Variants in TTC34 observed in about 807,000 individuals in gnomAD.
TTC34 encodes tetratricopeptide repeat protein 34.
In TTC34, 44 loss-of-function variants were observed where a neutral mutation model predicts 40.7. The ratio of observed to expected loss-of-function variants is 1.08; its 90% confidence interval spans 0.85 to 1.39. The LOEUF (loss-of-function observed/expected upper bound fraction) is 1.39, where lower values mean the gene tolerates loss of function less well. TTC34 is among the 40% of genes most tolerant of loss of function. TTC34 has a pLI of 0.00. For missense variants in TTC34, 884 were observed against 838.0 expected, an observed-to-expected ratio of 1.05 and a Z score of -0.68; for synonymous variants, 422 against 398.6, an observed-to-expected ratio of 1.06 and a Z score of -0.70.
chr1:2,644,127 C>A, intron 8 of TTC34, 137 bp downstream of exon 8: 1 of 930,058 alleles, frequency 1.1e-6, no homozygotes, highest in African/African-American at 1.7e-5. Context: ...GGGTGCCTCC[C>A]ACCCCACCCC....
At chr1:2,783,135 G>T (rs187027311) in intron 6 of TTC34, among the ~76,000 whole-genome samples, 194 of 152,354 alleles carry the variant, frequency 1.3e-3, no homozygotes, top group African/African-American at 4.2e-3. Flanking sequence ...ATGAAGCTCA[G>T]ATCAGGGTCC....
intron 2 of TTC34, among the ~76,000 whole-genome samples, chr1:2,797,097 G>A (rs1357208926): frequency 6.6e-6 from 1 of 152,186 alleles, no homozygotes; most frequent in East Asian, 1.9e-4. Flanking sequence ...ACAGTATGGA[G>A]GGCGGTTAGG....
rs1442097174 is a variant in TTC34 at position 2,694,614 on chromosome 1, C to A, written c.2227-49051G>T. 9.5e-5 allele frequency among the ~76,000 whole-genome samples: 4 copies of A among 41,986 alleles called. 1 individual carries two copies. Among genetic ancestry groups the A allele is most frequent in the Admixed American group, 2.5e-4 (1 of 4,028 alleles). The allele number at this position is 41,986 out of a possible 152,430, so 27.5% of individuals were successfully genotyped here. On this transcript the variant is annotated intron_variant, in intron 6 of 8. Coordinates refer to ENST00000401095, the Ensembl canonical transcript of TTC34. ...ACCCACAGGCGAGCATCTGAAACCA[C>A]GGAGCAGCACCCACACCTCCCGGCG...
chr1:2,683,654 C>G, intron 6 of TTC34, among the ~76,000 whole-genome samples: 1 of 147,558 alleles, frequency 6.8e-6, no homozygotes, highest in Non-Finnish European at 1.5e-5. Flanking sequence ...CATCTGACAG[C>G]CTGGAGCAGC....
chr1:2,747,695 C>A (rs1641197877), intron 6 of TTC34, among the ~76,000 whole-genome samples: 1 of 122,094 alleles, frequency 8.2e-6, no homozygotes, highest in Non-Finnish European at 1.7e-5. Context: ...GAGCATCTGA[C>A]AGCTTGGAAC....
rs189586137 is a variant in TTC34 at position 2,768,007 on chromosome 1, C to T, written c.2226+15602G>A. On this transcript the variant is annotated intron_variant, in intron 6 of 8. Transcript: ENST00000401095. ...GACTGCGTGGAACAGCACGTCCCCT[C>T]AGGTGAGCATCTGACAGCATAAAAC... 3.5e-3 allele frequency among the ~76,000 whole-genome samples: 528 copies of T among 151,372 alleles called. 12 individuals carry two copies. Among genetic ancestry groups the T allele is most frequent in the African/African-American group, 0.012 (508 of 41,328 alleles).
intron 6 of TTC34, among the ~76,000 whole-genome samples, chr1:2,692,498 C>T (rs1324285713): frequency 7.4e-6 from 1 of 135,172 alleles, no homozygotes; most frequent in Admixed American, 7.3e-5. Flanking sequence ...GGAACAGCAG[C>T]CTGCACCCCC....
intron 6 of TTC34, among the ~76,000 whole-genome samples, chr1:2,747,556 CCT>C (rs1641193993): frequency 0.018 from 995 of 54,678 alleles, 1 homozygote; most frequent in East Asian, 0.022. Flanking sequence ...GAAACCCCAC[CCT>C]CAGGTGAGCA....
intron 6 of TTC34, among the ~76,000 whole-genome samples, chr1:2,782,046 C>T (rs1461291200): frequency 1.3e-5 from 2 of 152,094 alleles, no homozygotes; most frequent in African/African-American, 4.8e-5. Context: ...GTGTTCCTTC[C>T]TCTTTGATTT....
chr1:2,759,511 AC>A (rs1641621589), intron 6 of TTC34, among the ~76,000 whole-genome samples: 1 of 95,120 alleles, frequency 1.1e-5, no homozygotes, highest in African/African-American at 3.9e-5. Context: ...CTGGAGCAGC[AC>A]CCACACCCCC....
At position 2,695,126 on chromosome 1, in the gene TTC34, A is replaced by T. The variant is rs1008815826; in HGVS notation, c.2227-49563T>A. Among the ~76,000 whole-genome samples, 2 of 122,530 alleles carry T rather than the reference A, an allele frequency of 1.6e-5. 1 individual carries two copies. The highest frequency in any genetic ancestry group is 3.7e-5 in the Non-Finnish European group (2 of 54,610). 80.4% of individuals were successfully genotyped at this position (122,530 alleles called of 152,430 possible). ...ACAGCACCCATACGCCAAGATGAGC[A>T]TCTGACAGCGTGGAACAGCACCCTG... is the stretch of plus-strand genomic sequence containing the variant. On this transcript the variant is annotated intron_variant, in intron 6 of 8. Transcript: ENST00000401095.
At chr1:2,764,131 GA>G (rs1402589910) in intron 6 of TTC34, among the ~76,000 whole-genome samples, 2 of 145,220 alleles carry the variant, frequency 1.4e-5, no homozygotes, top group Non-Finnish European at 3.0e-5. Context: ...GCCTGGAACA[GA>G]ACCCCACTCT....
intron 6 of TTC34, among the ~76,000 whole-genome samples, chr1:2,684,520 C>T (rs1380507261): frequency 6.7e-6 from 1 of 148,334 alleles, no homozygotes; most frequent in South Asian, 2.1e-4. Flanking sequence ...CCCACACCCC[C>T]AGGTGAGCAT....
exon 9 of TTC34, chr1:2,641,516 C>G: frequency 6.5e-7 from 1 of 1,535,460 alleles, no homozygotes; most frequent in Non-Finnish European, 8.7e-7. Context: ...GCACTGCCCG[C>G]GGAGAAGGAA....
intron 6 of TTC34, among the ~76,000 whole-genome samples, chr1:2,757,792 C>G: frequency 6.8e-6 from 1 of 146,178 alleles, no homozygotes; most frequent in African/African-American, 2.6e-5. Context: ...GCACCCACAC[C>G]TTCCGGCGAG....
intron 6 of TTC34, among the ~76,000 whole-genome samples, chr1:2,653,368 C>G (rs201925721): frequency 0.056 from 6,323 of 112,104 alleles, no homozygotes; most frequent in South Asian, 0.15. Context: ...GCACCCACAC[C>G]CCCAGGCGAG....
chr1:2,688,242 C>T (rs1640460642), intron 6 of TTC34, among the ~76,000 whole-genome samples: 2 of 151,150 alleles, frequency 1.3e-5, no homozygotes, highest in African/African-American at 2.5e-5. Flanking sequence ...TGGAGCAGCA[C>T]CCACACCCCC....
intron 6 of TTC34, among the ~76,000 whole-genome samples, chr1:2,753,456 C>T (rs1275598267): frequency 7.8e-5 from 7 of 89,472 alleles, no homozygotes; most frequent in Middle Eastern, 5.0e-3. Flanking sequence ...GCAGCCTGCA[C>T]CCCCAGGTGT....
intron 6 of TTC34, among the ~76,000 whole-genome samples, chr1:2,751,698 G>A (rs1422266694): frequency 1.7e-5 from 2 of 115,676 alleles, no homozygotes; most frequent in African/African-American, 6.6e-5. Context: ...CCCCAAGCGA[G>A]CATCCGACAG....
Sources: gnomAD v4.1 joint callset for allele counts (sites outside exome capture counted in the v4.1 genomes callset) on GRCh38, gnomAD v4.1.1 for gene constraint, MANE v1.5 for transcripts, NCBI Gene and HGNC (gene_info 2026-07-23, HGNC 2026-07-21) for gene names.